Variants in PRKG1 observed in about 807,000 individuals in gnomAD.
PRKG1 encodes the protein protein kinase cGMP-dependent 1.
In PRKG1, 35 loss-of-function variants were observed where a neutral mutation model predicts 88.1. The observed-to-expected ratio is 0.40, with a 90% CI of 0.30 to 0.53. The LOEUF (loss-of-function observed/expected upper bound fraction) is 0.53. Among genes scored for constraint, PRKG1 ranks in the 20% least tolerant of loss-of-function variants. PRKG1 has a pLI of 0.59. For missense variants in PRKG1, 540 were observed against 839.8 expected (o/e 0.64, Z 4.41); for synonymous variants, 303 against 292.5 (o/e 1.04, Z -0.37).
intron 3 of PRKG1, among the ~76,000 whole-genome samples, chr10:51,672,892 A>C (rs1040009399): frequency 1.3e-5 from 2 of 152,208 alleles, no homozygotes; most frequent in Admixed American, 6.5e-5. Context: ...TGATCTTATA[A>C]GTTTTCCTGT....
intron 7 of PRKG1, among the ~76,000 whole-genome samples, chr10:52,130,739 G>T (rs1431999524): frequency 2.6e-5 from 4 of 152,132 alleles, no homozygotes; most frequent in African/African-American, 9.7e-5. Context: ...GAAGTTTCCT[G>T]CCCATTATGT....
chr10:52,033,960 C>T (rs866393794), intron 5 of PRKG1, among the ~76,000 whole-genome samples: 1 of 119,130 alleles, frequency 8.4e-6, no homozygotes, highest in Non-Finnish European at 1.8e-5. Flanking sequence ...CAGTGGGGGT[C>T]GCAAGGTGCT....
intron 6 of PRKG1, among the ~76,000 whole-genome samples, chr10:52,059,726 T>C (rs1276547894): frequency 1.3e-5 from 2 of 151,872 alleles, no homozygotes; most frequent in Admixed American, 6.6e-5. Context: ...TCTATCCATG[T>C]GTTTAAGTTC....
intron 9 of PRKG1, among the ~76,000 whole-genome samples, chr10:52,241,435 C>T (rs1840858696): frequency 6.6e-6 from 1 of 152,164 alleles, no homozygotes; most frequent in Non-Finnish European, 1.5e-5. Flanking sequence ...AAGGGGATAT[C>T]TTGCACAAGT....
intron 1 of PRKG1, among the ~76,000 whole-genome samples, chr10:51,028,343 A>G (rs373726907): frequency 5.3e-5 from 8 of 152,160 alleles, no homozygotes; most frequent in African/African-American, 1.7e-4. Flanking sequence ...TTTTTAATCC[A>G]GTGATTTATC....
intron 9 of PRKG1, among the ~76,000 whole-genome samples, chr10:52,165,509 T>A (rs945903486): frequency 6.6e-6 from 1 of 152,200 alleles, no homozygotes; most frequent in African/African-American, 2.4e-5. Context: ...TGCCTCTAAA[T>A]TTTTATAAGG....
intron 2 of PRKG1, among the ~76,000 whole-genome samples, chr10:51,250,321 A>G (rs143580179): frequency 2.9e-4 from 44 of 152,040 alleles, no homozygotes; most frequent in African/African-American, 8.9e-4. Flanking sequence ...AATTTATGAC[A>G]TTTGAAAGAA....
At chr10:51,912,201 A>C (rs1842233428) in intron 5 of PRKG1, among the ~76,000 whole-genome samples, 1 of 152,244 alleles carries the variant, frequency 6.6e-6, no homozygotes. Flanking sequence ...TGCTGCTCTT[A>C]AAGAACAGAA....
chr10:51,214,716 A>G (rs888332075), intron 2 of PRKG1, among the ~76,000 whole-genome samples: 2 of 152,088 alleles, frequency 1.3e-5, no homozygotes, highest in African/African-American at 4.8e-5. Context: ...GAGCTCAAGC[A>G]GTCCTCCCGC....
intron 9 of PRKG1, among the ~76,000 whole-genome samples, chr10:52,175,771 T>C (rs757963973): frequency 2.6e-5 from 4 of 152,122 alleles, no homozygotes; most frequent in South Asian, 2.1e-4. Flanking sequence ...CTTCATATAT[T>C]TGTTGGCCAT....
At chr10:51,677,907 T>C (rs989332047) in intron 3 of PRKG1, among the ~76,000 whole-genome samples, 7 of 152,244 alleles carry the variant, frequency 4.6e-5, no homozygotes, top group Non-Finnish European at 1.0e-4. Context: ...CATATTTTGG[T>C]TTCATGGTCA....
At chr10:51,782,302 G>A (rs536610903) in intron 3 of PRKG1, among the ~76,000 whole-genome samples, 12 of 152,204 alleles carry the variant, frequency 7.9e-5, no homozygotes, top group East Asian at 1.9e-4. Flanking sequence ...GGGTTATCAG[G>A]TTGTAGCCTC....
At chr10:51,464,368 T>C (rs1839829061) in intron 2 of PRKG1, among the ~76,000 whole-genome samples, 2 of 152,194 alleles carry the variant, frequency 1.3e-5, no homozygotes, top group Non-Finnish European at 2.9e-5. Flanking sequence ...GTGAGTATAT[T>C]GAATTTCCAG....
At chr10:51,753,489 G>C (rs1837780065) in intron 3 of PRKG1, among the ~76,000 whole-genome samples, 2 of 152,070 alleles carry the variant, frequency 1.3e-5, no homozygotes, top group Non-Finnish European at 2.9e-5. Context: ...GAGCAACTAA[G>C]ATGATTTTTT....
At chr10:51,815,014 C>T (rs1326747657) in intron 4 of PRKG1, among the ~76,000 whole-genome samples, 1 of 152,106 alleles carries the variant, frequency 6.6e-6, no homozygotes, top group African/African-American at 2.4e-5. Context: ...ACTAAGTCCT[C>T]AGCTAAGGGA....
At chr10:52,284,192 G>A (rs967121628) in intron 14 of PRKG1, among the ~76,000 whole-genome samples, 1 of 151,864 alleles carries the variant, frequency 6.6e-6, no homozygotes, top group East Asian at 1.9e-4. Flanking sequence ...CTAAATACTT[G>A]AAAATTTAAA....
rs149380475 is a variant in PRKG1 at position 51,003,733 on chromosome 10, G to A, written c.266+12089G>A. Among the ~76,000 whole-genome samples, 476 of 152,142 alleles carry A rather than the reference G, an allele frequency of 3.1e-3. 1 individual carries two copies. Among genetic ancestry groups the A allele is most frequent in the African/African-American group, 0.011 (442 of 41,480 alleles). Reference sequence around the variant, plus strand: ...GCAGATACCCAATGTTAAACTTTCCGTATGTTTCCGTAAATCTTTATATGT... The same window carrying A: ...GCAGATACCCAATGTTAAACTTTCCATATGTTTCCGTAAATCTTTATATGT... On this transcript the variant is annotated intron_variant, in intron 1 of 17. Transcript: ENST00000401604.
intron 2 of PRKG1, among the ~76,000 whole-genome samples, chr10:51,169,555 C>T (rs566384787): frequency 6.8e-6 from 1 of 146,728 alleles, no homozygotes; most frequent in African/African-American, 2.7e-5. Flanking sequence ...ATGAGGTAAG[C>T]AACATTGGAA....
intron 3 of PRKG1, among the ~76,000 whole-genome samples, chr10:51,664,312 C>T (rs922883145): frequency 1.3e-5 from 2 of 152,072 alleles, no homozygotes; most frequent in Non-Finnish European, 2.9e-5. Flanking sequence ...TGTTGTTTGG[C>T]CCATCAATTC....
Sources: gnomAD v4.1 joint callset for allele counts (sites outside exome capture counted in the v4.1 genomes callset) on GRCh38, gnomAD v4.1.1 for gene constraint, MANE v1.5 for transcripts, NCBI Gene and HGNC (gene_info 2026-07-23, HGNC 2026-07-21) for gene names.